Variants in ZNF695 observed in about 807,000 individuals in gnomAD.
ZNF695 encodes zinc finger protein SBZF3.
ZNF695 carries 11 observed loss-of-function variants against 11.2 expected under a neutral mutation model. The ratio of observed to expected loss-of-function variants is 0.98; its 90% CI spans 0.62 to 1.62. ZNF695 has a LOEUF of 1.62. Ranked by LOEUF, ZNF695 falls within the 40% of genes most tolerant of loss-of-function variation. The probability of loss-of-function intolerance (pLI) is 0.00; values close to 1 mark genes in which losing one functional copy is unlikely to be tolerated. For synonymous variants in ZNF695, 190 were observed against 201.4 expected, an observed-to-expected ratio of 0.94 and a Z score of 0.48; for missense variants, 559 against 590.5, an observed-to-expected ratio of 0.95 and a Z score of 0.55.
At chr1:246,967,738 G>A (rs892969206) in exon 5 of ZNF695, 1 of 399,396 alleles carries the variant, frequency 2.5e-6, no homozygotes, top group Non-Finnish European at 4.9e-6. Context: ...GGAGGCCTCA[G>A]GAAACTTAGA....
intron 1 of ZNF695, among the ~76,000 whole-genome samples, chr1:247,007,083 T>G (rs1214982838): frequency 1.3e-5 from 2 of 152,230 alleles, no homozygotes; most frequent in African/African-American, 4.8e-5. Flanking sequence ...TGCTTCCTCG[T>G]GCACCTTATG....
At chr1:246,998,461 T>G (rs963040923) in intron 3 of ZNF695, among the ~76,000 whole-genome samples, 1 of 152,214 alleles carries the variant, frequency 6.6e-6, no homozygotes, top group Non-Finnish European at 1.5e-5. Flanking sequence ...AATTTTTAAG[T>G]AAACGACATT....
At position 246,986,525 on chromosome 1, in the gene ZNF695, G is replaced by A. The variant is rs910966296; in HGVS notation, c.*442C>T. The A allele has an allele frequency of 6.1e-6, 6 of 988,908 alleles. No individual in the cohort carries two copies. In the African/African-American group the frequency reaches 8.7e-5, roughly 14 times the overall value. The allele number at this position is 988,908 out of a possible 1,614,324, so 61.3% of individuals were successfully genotyped here. A position where few individuals can be genotyped will look rare whatever the true frequency, so the allele number is the denominator to read the frequency against. ...TAGTGCTTTTTACTATGAATTCTTG[G>A]ATGTGTTTTGATGTAATTTTTGATT... On this transcript the variant is annotated 3_prime_UTR_variant, in exon 4 of 4. Coordinates refer to ENST00000339986, the MANE Select transcript of ZNF695 (RefSeq NM_020394.5).
In ZNF695 at chr1:247,006,468, G is replaced by A. The variant is rs530173891; in HGVS notation, c.3+1438C>T. Reference sequence around the variant, plus strand: ...TCTACTAAAAATACAAAAATTAGCCGGGCATGGTGGCGCCTGCCTGTATTC... The same window carrying A: ...TCTACTAAAAATACAAAAATTAGCCAGGCATGGTGGCGCCTGCCTGTATTC... On this transcript the variant is annotated intron_variant, in intron 1 of 3. Transcript: ENST00000339986. Among the ~76,000 whole-genome samples the A allele has an allele frequency of 3.6e-3, 550 of 152,074 alleles. 1 individual carries two copies. Among genetic ancestry groups the A allele is most frequent in the African/African-American group, 0.013 (521 of 41,500 alleles).
chr1:247,006,268 A>C (rs1356071976), intron 1 of ZNF695, among the ~76,000 whole-genome samples: 1 of 151,294 alleles, frequency 6.6e-6, no homozygotes, highest in Non-Finnish European at 1.5e-5. Flanking sequence ...TTGCACTGTG[A>C]AAAAAACAAA....
Position 246,985,798 on chromosome 1 carries a change from G to A in ZNF695, c.*1169C>T. 20 of 985,312 alleles carry A rather than the reference G, an allele frequency of 2.0e-5. No homozygotes were observed. The highest frequency in any genetic ancestry group is 2.3e-5 in the Non-Finnish European group (19 of 829,918). 61.0% of individuals were successfully genotyped at this position (985,312 alleles called of 1,614,324 possible). On this transcript the variant is annotated 3_prime_UTR_variant, in exon 4 of 4. Transcript: ENST00000339986. ...TGAATCACTTACAACCCTATTATAA[G>A]ACAAGTACAAAGAGCCTCTCCAGTT...
chr1:246,971,486 T>A (rs1210518233), intron 4 of ZNF695, among the ~76,000 whole-genome samples: 1 of 152,094 alleles, frequency 6.6e-6, no homozygotes, highest in East Asian at 1.9e-4. Context: ...AGACTCCCTT[T>A]CCTGGTCTGC....
At chr1:246,995,569 C>T (rs548303567) in intron 3 of ZNF695, among the ~76,000 whole-genome samples, 1 of 152,224 alleles carries the variant, frequency 6.6e-6, no homozygotes, top group East Asian at 1.9e-4. Context: ...GTGGCTCATG[C>T]CTGTAATCCC....
chr1:246,948,956 G>C (rs962389330), intron 5 of ZNF695, among the ~76,000 whole-genome samples: 1 of 152,112 alleles, frequency 6.6e-6, no homozygotes, highest in African/African-American at 2.4e-5. Context: ...ACAATACCTA[G>C]AATACTGCCA....
intron 5 of ZNF695, among the ~76,000 whole-genome samples, chr1:246,967,243 G>A (rs912998386): frequency 1.3e-5 from 2 of 152,034 alleles, no homozygotes; most frequent in Non-Finnish European, 2.9e-5. Context: ...CAGCCTAAAC[G>A]TTACATATTA....
intron 5 of ZNF695, among the ~76,000 whole-genome samples, chr1:246,949,920 T>C (rs931202707): frequency 7.9e-5 from 12 of 152,234 alleles, no homozygotes; most frequent in Non-Finnish European, 1.8e-4. Flanking sequence ...GGAAAATGTA[T>C]ACAGAATTAA....
chr1:246,994,920 G>T (rs530435425), intron 3 of ZNF695, among the ~76,000 whole-genome samples: 1 of 152,206 alleles, frequency 6.6e-6, no homozygotes, highest in East Asian at 1.9e-4. Flanking sequence ...AATAATAAAA[G>T]GTTTTGTTCA....
At chr1:246,958,623 C>G (rs1373935877) in intron 5 of ZNF695, among the ~76,000 whole-genome samples, 2 of 152,130 alleles carry the variant, frequency 1.3e-5, no homozygotes, top group Non-Finnish European at 2.9e-5. Flanking sequence ...TGAATGATCC[C>G]TCAGAGTCCA....
intron 4 of ZNF695, among the ~76,000 whole-genome samples, chr1:246,974,061 G>A (rs888624544): frequency 6.6e-6 from 1 of 151,378 alleles, no homozygotes; most frequent in Non-Finnish European, 1.5e-5. Flanking sequence ...ATAAGCAGAT[G>A]TGCTGATAAT....
At chr1:247,000,275 G>A (rs1413601968) in intron 1 of ZNF695, among the ~76,000 whole-genome samples, 7 of 152,198 alleles carry the variant, frequency 4.6e-5, no homozygotes. Flanking sequence ...GGGAGGCCGA[G>A]GCAGGCGGAT....
intron 5 of ZNF695, among the ~76,000 whole-genome samples, chr1:246,961,371 T>C (rs555854298): frequency 8.1e-4 from 124 of 152,332 alleles, no homozygotes; most frequent in African/African-American, 3.0e-3. Flanking sequence ...GATAAAGTCT[T>C]TTAAAATGAA....
chr1:246,954,936 A>G lies in ZNF695; in HGVS notation c.489-9109T>C, dbSNP rs1210755552. ...CTAGGCTATCAGGTAAGGCCTTGAT[A>G]TGGTTTGGCTGTGTCCCCACCCAAA... On this transcript the variant is annotated intron_variant, in intron 5 of 5. Transcript: ENST00000487338. Among the ~76,000 whole-genome samples, 6 of 152,266 alleles carry G rather than the reference A, an allele frequency of 3.9e-5. No individual in the cohort carries two copies. In the East Asian group the frequency reaches 1.2e-3, roughly 29 times the overall value.
intron 5 of ZNF695, among the ~76,000 whole-genome samples, chr1:246,955,045 T>C (rs1480030853): frequency 6.6e-6 from 1 of 152,098 alleles, no homozygotes; most frequent in East Asian, 1.9e-4. Flanking sequence ...AATTGAATCA[T>C]AGGGGGAGTT....
At chr1:246,997,622 T>C (rs1443630200) in intron 3 of ZNF695, among the ~76,000 whole-genome samples, 3 of 152,196 alleles carry the variant, frequency 2.0e-5, no homozygotes, top group African/African-American at 7.2e-5. Context: ...ATCCCCATGT[T>C]CATTACAGCA....
Sources: gnomAD v4.1 joint callset for allele counts (sites outside exome capture counted in the v4.1 genomes callset) on GRCh38, gnomAD v4.1.1 for gene constraint, MANE v1.5 for transcripts, NCBI Gene and HGNC (gene_info 2026-07-23, HGNC 2026-07-21) for gene names.